Variants in RAB38 observed in about 807,000 individuals in gnomAD.
RAB38 encodes the protein RAB38, member RAS oncogene family, also known as ras-related protein Rab-38.
In RAB38, 15 loss-of-function variants were observed where a neutral mutation model predicts 18.4. The observed-to-expected ratio is 0.82, with a 90% confidence interval of 0.55 to 1.26. RAB38 has a LOEUF of 1.26. Among genes scored for constraint, RAB38 ranks in the 50% most tolerant of loss-of-function variants. The pLI is 0.00. For missense variants in RAB38, 294 were observed against 267.4 expected (o/e 1.10, Z -0.69); for synonymous variants, 101 against 104.4 (o/e 0.97, Z 0.20).
chr11:87,811,041 C>T, the RAB38 span, among the ~76,000 whole-genome samples: 2 of 152,064 alleles, frequency 1.3e-5, no homozygotes, highest in South Asian at 2.1e-4. Flanking sequence ...AAAAAGAGGG[C>T]GTTTAACTCT....
the RAB38 span, among the ~76,000 whole-genome samples, chr11:87,820,671 G>A: frequency 6.6e-6 from 1 of 152,172 alleles, no homozygotes; most frequent in Non-Finnish European, 1.5e-5. Flanking sequence ...ACTAGGAAAT[G>A]AGGTACTGTG....
At chr11:87,962,103 G>A in the RAB38 span, among the ~76,000 whole-genome samples, 2 of 152,160 alleles carry the variant, frequency 1.3e-5, no homozygotes, top group Non-Finnish European at 2.9e-5. Flanking sequence ...AAGGATGGAA[G>A]TTCTCTATAA....
At chr11:88,135,755 A>G (rs915163872) in intron 2 of RAB38, among the ~76,000 whole-genome samples, 4 of 152,258 alleles carry the variant, frequency 2.6e-5, no homozygotes, top group Non-Finnish European at 5.9e-5. Flanking sequence ...AAGAGCTACC[A>G]TAACGAGCCT....
At chr11:87,977,863 T>C in the RAB38 span, among the ~76,000 whole-genome samples, 2 of 111,984 alleles carry the variant, frequency 1.8e-5, no homozygotes, top group Middle Eastern at 0.012. Flanking sequence ...AGTAATATAC[T>C]TACAAATATA....
At chr11:88,168,480 A>C (rs1268833652) in intron 1 of RAB38, among the ~76,000 whole-genome samples, 1 of 152,084 alleles carries the variant, frequency 6.6e-6, no homozygotes, top group Non-Finnish European at 1.5e-5. Flanking sequence ...TTCCCATCAG[A>C]TCACTTTTCA....
intron 2 of RAB38, among the ~76,000 whole-genome samples, chr11:88,132,183 T>A (rs1565212352): frequency 6.6e-6 from 1 of 152,196 alleles, no homozygotes; most frequent in Admixed American, 6.5e-5. Flanking sequence ...ATGTGTGTTA[T>A]TCTAAGCTGT....
the RAB38 span, among the ~76,000 whole-genome samples, chr11:88,060,428 TC>T: frequency 2.0e-5 from 3 of 152,212 alleles, no homozygotes; most frequent in Admixed American, 2.0e-4. Context: ...TTTACTTAAT[TC>T]CCAAAGTAAA....
chr11:88,029,514 A>C, the RAB38 span, among the ~76,000 whole-genome samples: 2 of 152,214 alleles, frequency 1.3e-5, no homozygotes, highest in Non-Finnish European at 2.9e-5. Context: ...ACATAGGCTT[A>C]AAATAAAAGG....
the RAB38 span, among the ~76,000 whole-genome samples, chr11:87,956,766 A>G: frequency 1.3e-5 from 2 of 152,138 alleles, no homozygotes; most frequent in Admixed American, 1.3e-4. Context: ...AAAGTAAGTC[A>G]TAAGACCCGC....
At chr11:88,093,272 G>T in the RAB38 span, among the ~76,000 whole-genome samples, 1 of 151,782 alleles carries the variant, frequency 6.6e-6, no homozygotes, top group Non-Finnish European at 1.5e-5. Flanking sequence ...GATCCAATCT[G>T]CAATAAACAT....
chr11:88,117,980 C>A (rs111376959), intron 2 of RAB38, among the ~76,000 whole-genome samples: 86 of 152,118 alleles, frequency 5.7e-4, no homozygotes, highest in Non-Finnish European at 6.8e-4. Flanking sequence ...GAGCTTCAGA[C>A]AGGGAAAGTG....
At chr11:87,894,070 T>C in the RAB38 span, among the ~76,000 whole-genome samples, 1 of 151,758 alleles carries the variant, frequency 6.6e-6, no homozygotes, top group East Asian at 2.0e-4. Context: ...TACCATTTAT[T>C]TCTATCTTAT....
chr11:87,944,087 T>C, the RAB38 span, among the ~76,000 whole-genome samples: 13 of 152,260 alleles, frequency 8.5e-5, no homozygotes, highest in East Asian at 2.3e-3. Context: ...TCCCAGTGCA[T>C]ATGCAAGTTA....
chr11:87,953,364 A>G, the RAB38 span, among the ~76,000 whole-genome samples: 2 of 152,178 alleles, frequency 1.3e-5, no homozygotes, highest in Non-Finnish European at 2.9e-5. Context: ...CCAGCTTTTT[A>G]GTCATAAAAC....
the RAB38 span, among the ~76,000 whole-genome samples, chr11:88,021,866 A>AT: frequency 6.7e-6 from 1 of 150,298 alleles, no homozygotes; most frequent in African/African-American, 2.5e-5. Context: ...AAAAAAAAAA[A>AT]AAAGTATTCT....
intron 2 of RAB38, among the ~76,000 whole-genome samples, chr11:88,121,884 T>C (rs1942635055): frequency 6.6e-6 from 1 of 152,224 alleles, no homozygotes; most frequent in African/African-American, 2.4e-5. Context: ...CTTAACCCAC[T>C]GCTCCCTATA....
chr11:87,822,056 C>T, the RAB38 span, among the ~76,000 whole-genome samples: 1 of 151,032 alleles, frequency 6.6e-6, no homozygotes, highest in Non-Finnish European at 1.5e-5. Flanking sequence ...CCATTTCAAA[C>T]ACAAAGTTGA....
the RAB38 span, among the ~76,000 whole-genome samples, chr11:87,914,518 C>A: frequency 2.0e-5 from 3 of 151,960 alleles, no homozygotes; most frequent in African/African-American, 4.8e-5. Context: ...AAAGAAATGA[C>A]CTAGAGGTAG....
Position 88,175,226 on chromosome 11 carries a change from C to G in RAB38, c.159G>C (p.Trp53Cys). 1 of 1,613,910 alleles carries G rather than the reference C, an allele frequency of 6.2e-7. No homozygotes were observed. The highest frequency in any genetic ancestry group is 1.7e-4 in the Middle Eastern group (1 of 6,048). The change falls in exon 1 of 3, where the codon TGG becomes TGC. Residue 53 changes from tryptophan to cysteine, a missense_variant. Physicochemically the swap from Trp to Cys is radical, Grantham distance 215 (BLOSUM62 -2). Coordinates refer to ENST00000243662, the MANE Select transcript of RAB38 (RefSeq NM_022337.3). Reference sequence around the variant, plus strand: ...GCAGGCGCACCACAGTCTCCGGGTCCCAGTGGAGCACCTTGAGCGCGAAGT... The same window carrying G: ...GCAGGCGCACCACAGTCTCCGGGTCGCAGTGGAGCACCTTGAGCGCGAAGT... ...GVDFALKVLH[W>C]DPETVVRLQL...
Sources: gnomAD v4.1 joint callset for allele counts (sites outside exome capture counted in the v4.1 genomes callset) on GRCh38, gnomAD v4.1.1 for gene constraint, MANE v1.5 for transcripts, NCBI Gene and HGNC (gene_info 2026-07-23, HGNC 2026-07-21) for gene names.